KIF22: variants seen among roughly 807,000 people sequenced by gnomAD.
KIF22 encodes the protein kinesin-like protein KIF22.
A neutral mutation model predicts 73.0 loss-of-function variants in KIF22; 62 were observed. The observed-to-expected ratio is 0.85, with a 90% confidence interval of 0.69 to 1.05. KIF22 has a LOEUF of 1.05. KIF22 is among the 50% of genes least tolerant of loss of function. The pLI, the probability that KIF22 is intolerant of heterozygous loss-of-function variation, is 0.00. For missense variants in KIF22, 854 were observed against 870.1 expected, an observed-to-expected ratio of 0.98 and a Z score of 0.23; for synonymous variants, 411 against 340.1, an observed-to-expected ratio of 1.21 and a Z score of -2.29.
At chr16:29,803,753 C>G in intron 10 of KIF22, 145 bp downstream of exon 10, 1 of 763,016 alleles carries the variant, frequency 1.3e-6, no homozygotes, top group Non-Finnish European at 2.1e-6. Context: ...TGAGGCAGTG[C>G]TGGGGGTGCT....
chr16:29,803,395 T>C, intron 9 of KIF22, 54 bp from the exon 10 acceptor site: 1 of 1,603,576 alleles, frequency 6.2e-7, no homozygotes, highest in Non-Finnish European at 8.5e-7. Context: ...CCCACTCCCT[T>C]CAGGCTGCCC....
chr16:29,794,643 G>A (rs1348309066), intron 1 of KIF22, among the ~76,000 whole-genome samples: 8 of 151,802 alleles, frequency 5.3e-5, no homozygotes, highest in Non-Finnish European at 7.4e-5. Flanking sequence ...GTGCAGTGGC[G>A]CAATCTCTGC....
chr16:29,804,788 G>GTCACTCATCTCCC, intron 11 of KIF22, 26 bp from the exon 12 acceptor site: 1 of 1,567,372 alleles, frequency 6.4e-7, no homozygotes. Flanking sequence ...TGCCCTGCGT[G>GTCACTCATCTCCC]TCACTCATCT....
intron 11 of KIF22, 176 bp from the exon 12 acceptor site, chr16:29,804,638 G>T (rs1362143915): frequency 1.4e-6 from 1 of 702,128 alleles, no homozygotes; most frequent in Non-Finnish European, 2.6e-6. Flanking sequence ...TCTTTCACTA[G>T]TTGCATAATA....
Position 29,802,955 on chromosome 16 carries a change from G to T in KIF22, c.1449+18G>T. ...AGATTGAGGTACGTGTTTTAGGGAT[G>T]TGGGAGCTGGATTCCTATTGGCCTT... is the stretch of plus-strand genomic sequence containing the variant. On this transcript the variant is annotated intron_variant, in intron 9 of 13. Transcript: ENST00000160827. 1.2e-6 allele frequency: 2 copies of T among 1,609,300 alleles called. No individual in the cohort carries two copies. The highest frequency in any genetic ancestry group is 1.7e-6 in the Non-Finnish European group (2 of 1,177,304).
intron 1 of KIF22, 197 bp downstream of exon 1, chr16:29,791,026 G>C: frequency 1.4e-6 from 2 of 1,444,986 alleles, no homozygotes; most frequent in Non-Finnish European, 1.8e-6. Flanking sequence ...CCTGTTTCCT[G>C]CTCTCCCCTT....
Position 29,805,360 on chromosome 16 carries a change from G to C in KIF22, c.*50G>C. The C allele has an allele frequency of 1.3e-6, 2 of 1,580,808 alleles. No homozygotes were observed. Among genetic ancestry groups the C allele is most frequent in the Non-Finnish European group, 1.7e-6 (2 of 1,158,086 alleles). On this transcript the variant is annotated 3_prime_UTR_variant, in exon 14 of 14. Coordinates refer to ENST00000160827, the MANE Select transcript of KIF22 (RefSeq NM_007317.3). ...TCAAATTTTTGTATAACCCCGTGTT[G>C]TGTAAATACAGTTTTTGCTCCGGTG...
chr16:29,799,834 T>C, intron 7 of KIF22, 53 bp downstream of exon 7: 1 of 1,612,268 alleles, frequency 6.2e-7, no homozygotes, highest in Non-Finnish European at 8.5e-7. Flanking sequence ...AATTAGGGAG[T>C]TTGTTGAAAC....
Position 29,799,968 on chromosome 16 carries a change from G to A in KIF22, c.1200G>A (p.Lys400=), listed in dbSNP as rs759322497. 36 of 1,614,036 alleles carry A rather than the reference G, an allele frequency of 2.2e-5. No homozygotes were observed. The highest frequency in any genetic ancestry group is 3.1e-5 in the Non-Finnish European group (36 of 1,180,034). The part of the protein sequence containing the change: ...QKELLGPPEA[K]RARGPEEEEI... ...AATTGCTTGGTCCACCAGAGGCAAA[G>A]AGAGCCCGAGGCCCTGAGGAAGAGG... The change falls in exon 8 of 14, where the codon AAG becomes AAA. Residue 400 remains lysine (K), a synonymous_variant. Transcript: ENST00000160827.
intron 8 of KIF22, among the ~76,000 whole-genome samples, chr16:29,802,267 CAAAAAAAA>C (rs71389599): frequency 2.9e-4 from 10 of 33,912 alleles, no homozygotes; most frequent in Middle Eastern, 0.02. Context: ...GACCCTGTCT[CAAAAAAAA>C]AAAAAAAAAA....
At chr16:29,805,219 C>A (rs763090925) in intron 13 of KIF22, 44 bp from the exon 14 acceptor site, 1 of 1,614,096 alleles carries the variant, frequency 6.2e-7, no homozygotes, top group African/African-American at 1.3e-5. Flanking sequence ...CTGCGCCCCG[C>A]GCCCCTCTCT....
At position 29,798,391 on chromosome 16, in the gene KIF22, G is replaced by C; in HGVS notation, c.284G>C (p.Gly95Ala). The C allele has an allele frequency of 6.2e-7, 1 of 1,608,446 alleles. No homozygotes were observed. The highest frequency in any genetic ancestry group is 1.4e-5 in the African/African-American group (1 of 73,994). The change falls in exon 3 of 14, where the codon GGG becomes GCG. Residue 95 changes from glycine to alanine, a missense_variant. Gly to Ala is a moderately conservative substitution (Grantham distance 60). Transcript: ENST00000160827. The surrounding 1 kb of genome is among the most constrained non-coding windows in gnomAD (Gnocchi z 4.1). Reference sequence around the variant, plus strand: ...TCCTGCAGGTTTGATGCCTTCTATGGGGAGAGGAGTACTCAGCAGGACATC... The same window carrying C: ...TCCTGCAGGTTTGATGCCTTCTATGCGGAGAGGAGTACTCAGCAGGACATC... ...TLKYQFDAFYGERSTQQDIYA... is the reference protein window; with the variant it reads ...TLKYQFDAFYAERSTQQDIYA...
Position 29,802,875 on chromosome 16 carries a change from A to G in KIF22, c.1387A>G (p.Thr463Ala), listed in dbSNP as rs757545358. The change falls in exon 9 of 14, where the codon ACC becomes GCC. Residue 463 changes from threonine to alanine, a missense_variant. By Grantham distance (58) the Thr-to-Ala change is moderately conservative (BLOSUM62 0). Coordinates refer to ENST00000160827, the MANE Select transcript of KIF22 (RefSeq NM_007317.3). ...QGSQGAPLLS[T>A]PKRERMVLMK... ...GAGCCAGGGGGCCCCTCTGTTGAGT[A>G]CCCCAAAGCGAGAGCGGATGGTGCT... The G allele has an allele frequency of 1.7e-5, 28 of 1,611,906 alleles. No homozygotes were observed. Among genetic ancestry groups the G allele is most frequent in the Non-Finnish European group, 2.3e-5 (27 of 1,179,290 alleles).
chr16:29,803,000 T>C, intron 9 of KIF22, 63 bp downstream of exon 9: 3 of 1,522,328 alleles, frequency 2.0e-6, no homozygotes, highest in South Asian at 1.2e-5. Context: ...TCCTTGGATC[T>C]TCAGACAGGG....
In KIF22 at chr16:29,802,847, G is replaced by C; in HGVS notation, c.1359G>C (p.Gln453His). The change falls in exon 9 of 14, where the codon CAG becomes CAC. Residue 453 changes from glutamine to histidine, a missense_variant. Around this residue, in one of 3 missense-constraint regions of KIF22, gnomAD observed 423 missense variants for 365.4 expected, o/e 1.16. Coordinates refer to ENST00000160827, the MANE Select transcript of KIF22 (RefSeq NM_007317.3). ...GCTTGGACCGTCTGCTTGCCTCCCA[G>C]GGGAGCCAGGGGGCCCCTCTGTTGA... ...LLSLDRLLAS[Q>H]GSQGAPLLST... 1 of 1,611,520 alleles carries C rather than the reference G, an allele frequency of 6.2e-7. No individual in the cohort carries two copies. The highest frequency in any genetic ancestry group is 8.5e-7 in the Non-Finnish European group (1 of 1,179,100).
Position 29,799,623 on chromosome 16 carries a change from C to G in KIF22, c.991-5C>G, listed in dbSNP as rs770243326. 9.3e-6 allele frequency: 15 copies of G among 1,614,024 alleles called. No homozygotes were observed. The highest frequency in any genetic ancestry group is 5.0e-5 in the Admixed American group (3 of 60,004). On this transcript the variant is annotated splice_polypyrimidine_tract_variant and splice_region_variant and intron_variant, in intron 6 of 13. Coordinates refer to ENST00000160827, the MANE Select transcript of KIF22 (RefSeq NM_007317.3). Reference sequence around the variant, plus strand: ...GACCCACCCACTGCCTGGTCTCACCCTCAGGACTCTCTGGGTGGCTCAGCC... The same window carrying G: ...GACCCACCCACTGCCTGGTCTCACCGTCAGGACTCTCTGGGTGGCTCAGCC...
At position 29,798,662 on chromosome 16, in the gene KIF22, T is replaced by G. The variant is rs765108503; in HGVS notation, c.464T>G (p.Leu155Arg). Residue 155 changes from leucine to arginine, a missense_variant, in exon 4 of 14, where the codon CTG becomes CGG. Transcript: ENST00000160827. The surrounding 1 kb of genome is among the most constrained non-coding windows in gnomAD (Gnocchi z 4.1). ...ATCCCGCGGGCTCTCATGGACCTCCTGCAGCTCACAAGGGAGGAGGGTGCC... is the reference window on the plus strand; with the variant it reads ...ATCCCGCGGGCTCTCATGGACCTCCGGCAGCTCACAAGGGAGGAGGGTGCC... ...GVIPRALMDL[L>R]QLTREEGAEG... 6.2e-7 allele frequency: 1 copy of G among 1,614,178 alleles called. No homozygotes were observed. The highest frequency in any genetic ancestry group is 8.5e-7 in the Non-Finnish European group (1 of 1,180,032).
At chr16:29,792,165 T>C (rs1298949246) in intron 1 of KIF22, among the ~76,000 whole-genome samples, 1 of 14,516 alleles carries the variant, frequency 6.9e-5, no homozygotes, top group Non-Finnish European at 1.2e-3. Flanking sequence ...TTATTTATGA[T>C]GTAAGATGCT....
chr16:29,803,165 G>C (rs575709908), intron 9 of KIF22, among the ~76,000 whole-genome samples: 2 of 152,294 alleles, frequency 1.3e-5, no homozygotes, highest in African/African-American at 4.8e-5. Flanking sequence ...AGCAACAAAT[G>C]TTAAACATTA....
Sources: allele counts gnomAD v4.1 joint callset (sites outside exome capture counted in the v4.1 genomes callset), GRCh38; gene constraint gnomAD v4.1.1; regional missense constraint gnomAD v4.1.1; non-coding constraint Gnocchi (gnomAD v3.1); transcripts MANE v1.5; gene names NCBI Gene and HGNC (gene_info 2026-07-23, HGNC 2026-07-21).